Variants in VIPR2 observed in about 807,000 individuals in gnomAD.
VIPR2 encodes the protein vasoactive intestinal peptide receptor 2.
In VIPR2, 48 loss-of-function variants were observed where a neutral mutation model predicts 58.0. That is an observed-to-expected ratio of 0.83 (90% CI 0.66 to 1.05). The LOEUF (loss-of-function observed/expected upper bound fraction) is 1.05. VIPR2 is among the 50% of genes least tolerant of loss of function. The pLI is 0.00. For missense variants in VIPR2, 534 were observed against 558.0 expected, an observed-to-expected ratio of 0.96 and a Z score of 0.43; for synonymous variants, 243 against 235.2, an observed-to-expected ratio of 1.03 and a Z score of -0.30.
chr7:159,045,387 T>C (rs1854583766), intron 5 of VIPR2, among the ~76,000 whole-genome samples: 1 of 152,134 alleles, frequency 6.6e-6, no homozygotes, highest in Non-Finnish European at 1.5e-5. Context: ...TGCATATAGA[T>C]CAACTGTATA....
In VIPR2 at chr7:159,109,904, C is replaced by T; in HGVS notation, c.167G>A (p.Trp56Ter). ...AGGCCGCCAGCACGTGATGTTGTCC[C>T]AGACGCCACTGCAGGCTGGAAGGAG... ...TEKHKACSGV[W>*]DNITCWRPAN... The change falls in exon 3 of 13, where the codon TGG (tryptophan) becomes TAG (stop). Residue 56 changes from tryptophan (W) to a stop codon, truncating the protein, a stop_gained. Transcript: ENST00000262178. LOFTEE classifies it high-confidence loss of function. 1.2e-6 allele frequency: 2 copies of T among 1,613,828 alleles called. No homozygotes were observed. Among genetic ancestry groups the T allele is most frequent in the Non-Finnish European group, 1.7e-6 (2 of 1,180,040 alleles).
At chr7:159,131,092 A>G (rs55732438) in intron 2 of VIPR2, among the ~76,000 whole-genome samples, 21,152 of 152,100 alleles carry the variant, frequency 0.14, 1,573 homozygotes, top group East Asian at 0.16. Flanking sequence ...CAGGGGTGTG[A>G]TAGGGGAGAC....
At position 159,137,143 on chromosome 7, in the gene VIPR2, G is replaced by A. The variant is rs765340029; in HGVS notation, c.151+5303C>T. Among the ~76,000 whole-genome samples the A allele has an allele frequency of 5.9e-5, 9 of 152,178 alleles. No homozygotes were observed. The South Asian group carries it at 1.0e-3, about 18-fold the overall frequency. On this transcript the variant is annotated intron_variant, in intron 2 of 12. Coordinates refer to ENST00000262178, the MANE Select transcript of VIPR2 (RefSeq NM_003382.5). ...CAGCAGCAGCTCACCTCAAGGGGCCGGCCGCCCACCCTGAATGGCTTCCTG... is the reference window on the plus strand; with the variant it reads ...CAGCAGCAGCTCACCTCAAGGGGCCAGCCGCCCACCCTGAATGGCTTCCTG...
chr7:159,123,020 C>T (rs1421334908), intron 2 of VIPR2, among the ~76,000 whole-genome samples: 4 of 152,162 alleles, frequency 2.6e-5, no homozygotes, highest in South Asian at 2.1e-4. Context: ...GTCGGCCGGG[C>T]GCAGTAGCTC....
intron 4 of VIPR2, among the ~76,000 whole-genome samples, chr7:159,079,439 C>G (rs1484189139): frequency 1.3e-5 from 2 of 152,040 alleles, no homozygotes; most frequent in Non-Finnish European, 2.9e-5. Flanking sequence ...AAAGACACAA[C>G]ATACCAGAAT....
At chr7:159,126,978 T>C (rs552330259) in intron 2 of VIPR2, among the ~76,000 whole-genome samples, 1 of 152,164 alleles carries the variant, frequency 6.6e-6, no homozygotes, top group African/African-American at 2.4e-5. Flanking sequence ...AGGTGGAGAT[T>C]GGCTCCTAAC....
At chr7:159,113,317 G>A (rs946480478) in intron 2 of VIPR2, among the ~76,000 whole-genome samples, 4 of 152,158 alleles carry the variant, frequency 2.6e-5, no homozygotes, top group South Asian at 2.1e-4. Context: ...CTGACCACCC[G>A]TGCATGCAGC....
chr7:159,097,494 CA>C lies in VIPR2; in HGVS notation c.357+6262del, dbSNP rs1857933270. 6.6e-6 allele frequency among the ~76,000 whole-genome samples: 1 copy of C among 152,078 alleles called. No homozygotes were observed. Among genetic ancestry groups the C allele is most frequent in the Non-Finnish European group, 1.5e-5 (1 of 68,018 alleles). ...CGCCACACTCCGCCCTGGCCACCTC[CA>C]CCACAGAAGCAATGGCAGGGCTGTG... On this transcript the variant is annotated intron_variant, in intron 4 of 12. Coordinates refer to ENST00000262178, the MANE Select transcript of VIPR2 (RefSeq NM_003382.5). This position sits in a 1 kb window ranked among gnomAD's most constrained non-coding sequence, Gnocchi z 5.3.
chr7:159,048,334 AG>A (rs1301465406), intron 5 of VIPR2, among the ~76,000 whole-genome samples: 3 of 152,230 alleles, frequency 2.0e-5, no homozygotes, highest in Admixed American at 6.5e-5. Flanking sequence ...ATGGTAACCT[AG>A]TTTTGTTAAT....
Position 159,093,161 on chromosome 7 carries a change from C to G in VIPR2, c.357+10596G>C, listed in dbSNP as rs1467008672. On this transcript the variant is annotated intron_variant, in intron 4 of 12. Transcript: ENST00000262178. This position sits in a 1 kb window ranked among gnomAD's most constrained non-coding sequence, Gnocchi z 6.7. ...CTGGTGGGGGCAGAAGACATTTCCT[C>G]AAGACACTGGCAGTTACTGGAGGAA... Among the ~76,000 whole-genome samples the G allele has an allele frequency of 1.3e-5, 2 of 152,166 alleles. No homozygotes were observed. The highest frequency in any genetic ancestry group is 6.5e-5 in the Admixed American group (1 of 15,276).
chr7:159,070,845 G>T (rs3793222), intron 4 of VIPR2, among the ~76,000 whole-genome samples: 18,819 of 152,232 alleles, frequency 0.12, 1,393 homozygotes, highest in East Asian at 0.16. Flanking sequence ...TTGCAAAAAT[G>T]CCTCCATTAA....
chr7:159,113,747 T>C (rs578169196), intron 2 of VIPR2, among the ~76,000 whole-genome samples: 6 of 152,328 alleles, frequency 3.9e-5, no homozygotes, highest in Admixed American at 1.3e-4. Context: ...GAAGTGAGTC[T>C]ATCAGGAGGC....
chr7:159,121,547 C>G (rs117975116), intron 2 of VIPR2, among the ~76,000 whole-genome samples: 2,107 of 152,292 alleles, frequency 0.014, 29 homozygotes, highest in Admixed American at 0.033. Flanking sequence ...CGTATGATTT[C>G]TTTTTACAAA....
intron 4 of VIPR2, among the ~76,000 whole-genome samples, chr7:159,081,653 A>G (rs1856909785): frequency 6.6e-6 from 1 of 152,188 alleles, no homozygotes; most frequent in Admixed American, 6.5e-5. Flanking sequence ...CTGCACAGCA[A>G]AAGAAACCAC....
At chr7:159,076,470 C>G (rs1290419832) in intron 4 of VIPR2, among the ~76,000 whole-genome samples, 6 of 152,150 alleles carry the variant, frequency 3.9e-5, no homozygotes, top group African/African-American at 1.4e-4. Context: ...GCCATTTGAG[C>G]AAATTATTTT....
chr7:159,118,217 T>C (rs1796317312), intron 2 of VIPR2, among the ~76,000 whole-genome samples: 1 of 152,190 alleles, frequency 6.6e-6, no homozygotes, highest in African/African-American at 2.4e-5. Flanking sequence ...CAGCCGCATG[T>C]CTGAGTGGTT....
chr7:159,031,828 C>A lies in VIPR2; in HGVS notation c.1143G>T (p.Glu381Asp). The part of the protein sequence containing the change: ...VAVLYCFLNS[E>D]VQCELKRKWR... The stretch of plus-strand genomic sequence containing the variant: ...GGTTCCAAGGCGGCCATGAACTTAC[C>A]TCACTGTTCAGGAAACAGTAGAGGA... Residue 381 changes from glutamate (E) to aspartate (D), a missense_variant and splice_region_variant, in exon 12 of 13, where the codon GAG (glutamate) becomes GAT (aspartate). This residue lies in a region of VIPR2 where 306 missense variants were observed against 285.8 expected (regional missense o/e 1.07). Transcript: ENST00000262178. This position sits in a 1 kb window ranked among gnomAD's most constrained non-coding sequence, Gnocchi z 4.0. 6.2e-7 allele frequency: 1 copy of A among 1,614,012 alleles called. No individual in the cohort carries two copies. Among genetic ancestry groups the A allele is most frequent in the Non-Finnish European group, 8.5e-7 (1 of 1,180,014 alleles).
intron 4 of VIPR2, among the ~76,000 whole-genome samples, chr7:159,059,959 A>ACAGT (rs998876797): frequency 1.4e-5 from 2 of 148,076 alleles, no homozygotes; most frequent in African/African-American, 5.0e-5. Flanking sequence ...ACTTCACCTA[A>ACAGT]CAGTCACCTT....
intron 5 of VIPR2, among the ~76,000 whole-genome samples, chr7:159,051,803 T>A (rs964363780): frequency 6.6e-6 from 1 of 152,184 alleles, no homozygotes; most frequent in Non-Finnish European, 1.5e-5. Flanking sequence ...TAAACTGATA[T>A]ACTCCTAATG....
Sources: gnomAD v4.1 joint callset for allele counts (sites outside exome capture counted in the v4.1 genomes callset) on GRCh38, gnomAD v4.1.1 for gene constraint, gnomAD v4.1.1 regional missense constraint, Gnocchi (gnomAD v3.1) non-coding constraint, MANE v1.5 for transcripts, NCBI Gene and HGNC (gene_info 2026-07-23, HGNC 2026-07-21) for gene names.